The following DNAAF9 variants were observed in gnomAD, a reference collection of about 807,000 sequenced individuals.
The protein encoded by DNAAF9 is dynein axonemal assembly factor 9, also known as shulin.
A neutral mutation model predicts 167.0 loss-of-function variants in DNAAF9; 90 were observed. The observed-to-expected ratio is 0.54, with a 90% CI of 0.45 to 0.64. The LOEUF (loss-of-function observed/expected upper bound fraction) is 0.64, where lower values mean the gene tolerates loss of function less well. DNAAF9 is among the 30% of genes least tolerant of loss of function. The pLI is 0.00. For missense variants in DNAAF9, 1,315 were observed against 1,442.2 expected (o/e 0.91, Z 1.43); for synonymous variants, 491 against 508.8 (o/e 0.96, Z 0.47).
intron 6 of DNAAF9, among the ~76,000 whole-genome samples, chr20:3,363,529 C>T (rs2083391986): frequency 1.5e-5 from 2 of 136,934 alleles, no homozygotes; most frequent in Admixed American, 7.3e-5. Context: ...GCAAAGCAAA[C>T]TCTTTTTTTT....
Position 3,296,931 on chromosome 20 carries a change from G to A in DNAAF9, c.1948C>T (p.Gln650Ter). 1 of 1,606,736 alleles carries A rather than the reference G, an allele frequency of 6.2e-7. No individual in the cohort carries two copies. Among genetic ancestry groups the A allele is most frequent in the Non-Finnish European group, 8.5e-7 (1 of 1,173,364 alleles). Residue 650 changes from glutamine (Q) to a stop codon, truncating the protein, a stop_gained, in exon 23 of 37, where the codon CAG (glutamine) becomes TAG (stop). Coordinates refer to ENST00000252032, the MANE Select transcript of DNAAF9 (RefSeq NM_001009984.3). LOFTEE classifies it high-confidence loss of function. ...AAAGAGATCCCTGAGTTATCCTGCT[G>A]TTTCCAGAGGGAGAAGACCTAAACA... Reference protein sequence around the residue: ...FYSEVFSLWKQQDNSGISLKV... With the variant: ...FYSEVFSLWK
chr20:3,325,486 G>A (rs1483500991), intron 13 of DNAAF9, among the ~76,000 whole-genome samples: 4 of 152,190 alleles, frequency 2.6e-5, no homozygotes, highest in African/African-American at 7.2e-5. Context: ...TGAGAAATCC[G>A]GAGTCAGTAC....
At chr20:3,319,094 A>G (rs2069562991) in intron 16 of DNAAF9, among the ~76,000 whole-genome samples, 1 of 125,172 alleles carries the variant, frequency 8.0e-6, no homozygotes, top group South Asian at 2.5e-4. Context: ...AAAAAAAAAA[A>G]AAAAAAAAAA....
intron 23 of DNAAF9, chr20:3,295,496 AG>A (rs2069056358): frequency 7.3e-6 from 2 of 275,570 alleles, no homozygotes; most frequent in Non-Finnish European, 1.4e-5. Flanking sequence ...TTTTTTTTAA[AG>A]AAGCCCAAAC....
chr20:3,254,040 G>A (rs1413706647), intron 35 of DNAAF9, among the ~76,000 whole-genome samples: 7 of 151,942 alleles, frequency 4.6e-5, no homozygotes, highest in African/African-American at 9.7e-5. Context: ...AAGTTCCCAC[G>A]GTGTGCAGTG....
At chr20:3,308,858 A>G (rs6037543) in intron 20 of DNAAF9, among the ~76,000 whole-genome samples, 37,880 of 151,432 alleles carry the variant, frequency 0.25, 5,315 homozygotes, top group African/African-American at 0.37. Context: ...ACATGCCCAC[A>G]TGACTCCTCC....
intron 1 of DNAAF9, among the ~76,000 whole-genome samples, chr20:3,398,758 G>T (rs2083944525): frequency 6.6e-6 from 1 of 152,208 alleles, no homozygotes; most frequent in Non-Finnish European, 1.5e-5. Context: ...AGAGCTCATT[G>T]CAGGACTGCT....
chr20:3,367,691 CTCATA>C (rs2083447901), intron 6 of DNAAF9, among the ~76,000 whole-genome samples: 1 of 152,256 alleles, frequency 6.6e-6, no homozygotes, highest in East Asian at 1.9e-4. Context: ...AGTTCATCAT[CTCATA>C]TGAGTGCAGT....
At chr20:3,270,966 C>G (rs1400929997) in intron 29 of DNAAF9, among the ~76,000 whole-genome samples, 1 of 151,986 alleles carries the variant, frequency 6.6e-6, no homozygotes, top group Non-Finnish European at 1.5e-5. Flanking sequence ...GAACCCGCAA[C>G]CATGCCTGGC....
intron 34 of DNAAF9, among the ~76,000 whole-genome samples, chr20:3,255,702 A>G (rs1192337143): frequency 1.3e-5 from 2 of 152,212 alleles, no homozygotes; most frequent in Non-Finnish European, 2.9e-5. Context: ...GCCAGGCCCC[A>G]GCTAACTCTA....
At chr20:3,277,124 G>C (rs745360646) in intron 29 of DNAAF9, among the ~76,000 whole-genome samples, 9 of 152,152 alleles carry the variant, frequency 5.9e-5, no homozygotes, top group African/African-American at 2.2e-4. Flanking sequence ...AATATCATCT[G>C]CACCTGCTGG....
intron 34 of DNAAF9, among the ~76,000 whole-genome samples, chr20:3,255,713 G>A (rs749102868): frequency 5.9e-5 from 9 of 152,212 alleles, no homozygotes; most frequent in Non-Finnish European, 1.3e-4. Flanking sequence ...GCTAACTCTA[G>A]TCCCAGAGTT....
chr20:3,259,179 A>T (rs567037762), intron 33 of DNAAF9, among the ~76,000 whole-genome samples: 1 of 152,172 alleles, frequency 6.6e-6, no homozygotes, highest in Non-Finnish European at 1.5e-5. Flanking sequence ...CTGGCTCAAG[A>T]GGTGTGGAGT....
intron 7 of DNAAF9, among the ~76,000 whole-genome samples, chr20:3,350,132 GACACACAGACACACAGAC>G (rs2070286645): frequency 7.3e-6 from 1 of 137,560 alleles, no homozygotes; most frequent in African/African-American, 2.8e-5. Context: ...CAGACACACA[GACACACAGACACACAGAC>G]ACACAGACAC....
At chr20:3,336,036 T>G (rs577222492) in intron 10 of DNAAF9, among the ~76,000 whole-genome samples, 1 of 152,110 alleles carries the variant, frequency 6.6e-6, no homozygotes, top group African/African-American at 2.4e-5. Flanking sequence ...GGCATGAGAA[T>G]TGCTTGAACC....
At chr20:3,343,791 C>G (rs1468848358) in intron 8 of DNAAF9, 60 bp from the exon 9 acceptor site, 4 of 1,280,932 alleles carry the variant, frequency 3.1e-6, no homozygotes, top group Non-Finnish European at 4.5e-6. Flanking sequence ...AGTCATAAAA[C>G]CCCTCACATA....
At chr20:3,343,827 G>T in intron 8 of DNAAF9, 96 bp from the exon 9 acceptor site, 1 of 884,224 alleles carries the variant, frequency 1.1e-6, no homozygotes, top group Non-Finnish European at 1.9e-6. Context: ...ACATGCTTCA[G>T]GAGAGTGCAC....
At chr20:3,265,576 GAAAAA>G (rs1228259726) in intron 30 of DNAAF9, among the ~76,000 whole-genome samples, 1 of 33,886 alleles carries the variant, frequency 3.0e-5, no homozygotes, top group African/African-American at 1.0e-4. Context: ...CTCTGTCTCA[GAAAAA>G]AAAAAAAAAA....
At chr20:3,276,184 T>G (rs2068673020) in intron 29 of DNAAF9, among the ~76,000 whole-genome samples, 1 of 152,218 alleles carries the variant, frequency 6.6e-6, no homozygotes, top group Non-Finnish European at 1.5e-5. Flanking sequence ...AGTATTTGTC[T>G]ACTGCTGGCA....
Sources: allele counts gnomAD v4.1 joint callset (sites outside exome capture counted in the v4.1 genomes callset), GRCh38; gene constraint gnomAD v4.1.1; transcripts MANE v1.5; gene names NCBI Gene and HGNC (gene_info 2026-07-23, HGNC 2026-07-21).